The following CYRIA variants were observed in gnomAD, a reference collection of about 807,000 sequenced individuals.
CYRIA encodes the protein CYFIP-related Rac1 interactor A.
CYRIA carries 15 observed loss-of-function variants against 43.9 expected under a neutral mutation model. The ratio of observed to expected loss-of-function variants is 0.34; its 90% confidence interval spans 0.23 to 0.53. CYRIA has a LOEUF of 0.53. Among genes scored for constraint, CYRIA ranks in the 20% least tolerant of loss-of-function variants. The probability of loss-of-function intolerance (pLI) is 0.94; values close to 1 mark genes in which losing one functional copy is unlikely to be tolerated. For missense variants in CYRIA, 236 were observed against 394.2 expected, an observed-to-expected ratio of 0.60 and a Z score of 3.40; for synonymous variants, 117 against 136.0, an observed-to-expected ratio of 0.86 and a Z score of 0.97.
chr2:16,560,893 G>T, intron 9 of CYRIA, 97 bp downstream of exon 9: 9 of 1,069,654 alleles, frequency 8.4e-6, no homozygotes, highest in Non-Finnish European at 1.2e-5. Context: ...AAACTTTAGG[G>T]TGTTGACCCA....
chr2:16,653,996 A>T (rs530813820), intron 1 of CYRIA, among the ~76,000 whole-genome samples: 3 of 152,336 alleles, frequency 2.0e-5, no homozygotes, highest in South Asian at 4.1e-4. Context: ...GGGAAGAGAC[A>T]AGAGGAAGTT....
intron 3 of CYRIA, among the ~76,000 whole-genome samples, chr2:16,575,190 A>T (rs73211540): frequency 0.016 from 2,386 of 152,172 alleles, 58 homozygotes; most frequent in African/African-American, 0.054. Flanking sequence ...TATTTACCCA[A>T]TGCCTGTACC....
chr2:16,562,969 T>C (rs1037666019), intron 5 of CYRIA, among the ~76,000 whole-genome samples: 3 of 152,180 alleles, frequency 2.0e-5, no homozygotes, highest in African/African-American at 7.2e-5. Flanking sequence ...ACAGAAAAGT[T>C]TGCAGACATC....
intron 1 of CYRIA, chr2:16,625,699 G>T (rs1332383226): frequency 6.6e-6 from 1 of 152,136 alleles, no homozygotes; most frequent in Non-Finnish European, 1.5e-5. Context: ...TTCCAAAGAA[G>T]GATTCTGGGG....
chr2:16,575,101 A>G (rs1281977323), intron 3 of CYRIA, among the ~76,000 whole-genome samples: 1 of 152,126 alleles, frequency 6.6e-6, no homozygotes, highest in African/African-American at 2.4e-5. Flanking sequence ...CATCAGTGTG[A>G]CCTGGATGTG....
rs573852003 is a variant in CYRIA at position 16,624,196 on chromosome 2, C to T, written c.-166-177G>A. ...ATTTTATAATTAGGGGATTGAGGCT[C>T]ACAGAAGAAAGCAGCCTCACTCAGG... On this transcript the variant is annotated intron_variant, in intron 1 of 11. Coordinates refer to ENST00000381323, the MANE Select transcript of CYRIA (RefSeq NM_030797.4). Among the ~76,000 whole-genome samples, 9 of 152,256 alleles carry T rather than the reference C, an allele frequency of 5.9e-5. No individual in the cohort carries two copies. In the South Asian group the frequency reaches 1.5e-3, roughly 25 times the overall value.
intron 11 of CYRIA, 144 bp downstream of exon 11, chr2:16,554,925 C>T: frequency 3.6e-6 from 2 of 555,462 alleles, no homozygotes; most frequent in Non-Finnish European, 6.3e-6. Flanking sequence ...AAAAATGGTG[C>T]TGACCTCAAA....
At chr2:16,569,068 C>G (rs1243766203) in intron 3 of CYRIA, among the ~76,000 whole-genome samples, 1 of 152,174 alleles carries the variant, frequency 6.6e-6, no homozygotes, top group Non-Finnish European at 1.5e-5. Flanking sequence ...GGTACTGGCA[C>G]TAGAGACAAA....
intron 2 of CYRIA, among the ~76,000 whole-genome samples, chr2:16,606,309 C>A (rs1223401745): frequency 6.6e-6 from 1 of 152,056 alleles, no homozygotes; most frequent in Non-Finnish European, 1.5e-5. Context: ...TCCACTCTCC[C>A]ACCAAACTCT....
Position 16,573,587 on chromosome 2 carries a change from C to T in CYRIA, c.71-7820G>A, listed in dbSNP as rs528506710. Among the ~76,000 whole-genome samples the T allele has an allele frequency of 3.1e-3, 467 of 152,294 alleles. 4 individuals carry two copies. The highest frequency in any genetic ancestry group is 0.01 in the African/African-American group (429 of 41,534). Reference sequence around the variant, plus strand: ...ACCCAAATCTCATTTTGATTTCCCACGTGTTGTGGGAGGGACCCAGTGGGA... The same window carrying T: ...ACCCAAATCTCATTTTGATTTCCCATGTGTTGTGGGAGGGACCCAGTGGGA... On this transcript the variant is annotated intron_variant, in intron 3 of 11. Transcript: ENST00000381323.
chr2:16,635,838 C>A (rs768436556), intron 1 of CYRIA, among the ~76,000 whole-genome samples: 2 of 152,214 alleles, frequency 1.3e-5, no homozygotes, highest in Non-Finnish European at 2.9e-5. Flanking sequence ...CAAAAACACA[C>A]AGCAGGCAAC....
intron 1 of CYRIA, among the ~76,000 whole-genome samples, chr2:16,657,217 C>T (rs186951321): frequency 2.2e-4 from 33 of 152,302 alleles, no homozygotes; most frequent in Admixed American, 1.2e-3. Flanking sequence ...AAAATAAGAA[C>T]CAAAATGTTC....
intron 2 of CYRIA, among the ~76,000 whole-genome samples, chr2:16,615,415 C>T (rs1053707792): frequency 1.3e-5 from 2 of 152,176 alleles, no homozygotes; most frequent in Non-Finnish European, 2.9e-5. Flanking sequence ...TGATTAGTTC[C>T]ACTTGCACAA....
rs560923340 is a variant in CYRIA, at chr2:16,561,552, G to A, written c.436-19C>T. On this transcript the variant is annotated intron_variant, in intron 6 of 11. Coordinates refer to ENST00000381323, the MANE Select transcript of CYRIA (RefSeq NM_030797.4). ...TCCTCATCTGAAATTCAGAGGACAAGAGCGAAGGTCATCTCTCAGTATCAG... is the reference window on the plus strand; with the variant it reads ...TCCTCATCTGAAATTCAGAGGACAAAAGCGAAGGTCATCTCTCAGTATCAG... 1.4e-5 allele frequency: 23 copies of A among 1,599,980 alleles called. No individual in the cohort carries two copies. Among genetic ancestry groups the A allele is most frequent in the Middle Eastern group, 1.7e-4 (1 of 6,022 alleles).
intron 1 of CYRIA, among the ~76,000 whole-genome samples, chr2:16,657,337 C>G (rs948785872): frequency 2.3e-4 from 35 of 152,166 alleles, no homozygotes; most frequent in African/African-American, 8.0e-4. Flanking sequence ...CTGCCATCCC[C>G]CTCCAAGGCC....
intron 3 of CYRIA, among the ~76,000 whole-genome samples, chr2:16,569,790 C>T (rs1361630637): frequency 6.6e-6 from 1 of 152,190 alleles, no homozygotes; most frequent in Admixed American, 6.5e-5. Flanking sequence ...ACAGTCAGAA[C>T]TAATTAATGA....
chr2:16,603,034 T>C (rs1304315220), intron 2 of CYRIA, among the ~76,000 whole-genome samples: 2 of 152,186 alleles, frequency 1.3e-5, no homozygotes, highest in Non-Finnish European at 2.9e-5. Flanking sequence ...ATTTCCATGC[T>C]GCCGGCAGAG....
intron 1 of CYRIA, among the ~76,000 whole-genome samples, chr2:16,649,620 TACAGG>T (rs1425188279): frequency 1.3e-5 from 2 of 151,988 alleles, no homozygotes; most frequent in African/African-American, 4.8e-5. Context: ...GGTTGTACAG[TACAGG>T]AGACAGTTGT....
chr2:16,577,187 A>T (rs73211545), intron 3 of CYRIA, among the ~76,000 whole-genome samples: 4,989 of 152,256 alleles, frequency 0.033, 249 homozygotes, highest in African/African-American at 0.097. Flanking sequence ...ATAATAAAAA[A>T]GAAAAGAAAC....
Sources: allele counts gnomAD v4.1 joint callset (sites outside exome capture counted in the v4.1 genomes callset), GRCh38; gene constraint gnomAD v4.1.1; transcripts MANE v1.5; gene names NCBI Gene and HGNC (gene_info 2026-07-23, HGNC 2026-07-21).